Variants in TRPM3 observed in about 807,000 individuals in gnomAD.
TRPM3 encodes transient receptor potential cation channel subfamily M member 3, also known as long transient receptor potential channel 3.
In TRPM3, 77 loss-of-function variants were observed where a neutral mutation model predicts 181.2. The ratio of observed to expected loss-of-function variants is 0.42; its 90% CI spans 0.35 to 0.51. The LOEUF is 0.51. TRPM3 is among the 20% of genes least tolerant of loss of function. The probability of loss-of-function intolerance (pLI) is 0.01; values close to 1 mark genes in which losing one functional copy is unlikely to be tolerated. For missense variants in TRPM3, 1,759 were observed against 2,196.7 expected, an observed-to-expected ratio of 0.80 and a Z score of 3.98; for synonymous variants, 745 against 796.4, an observed-to-expected ratio of 0.94 and a Z score of 1.09.
At position 71,013,992 on chromosome 9, in the gene TRPM3, C is replaced by T. The variant is rs141216598; in HGVS notation, c.177+107186G>A. Among the ~76,000 whole-genome samples the T allele has an allele frequency of 5.0e-3, 754 of 151,802 alleles. 8 individuals are homozygous for T. Among genetic ancestry groups the T allele is most frequent in the African/African-American group, 0.017 (701 of 41,502 alleles). On this transcript the variant is annotated intron_variant, in intron 1 of 25. Coordinates refer to ENST00000677713, the MANE Select transcript of TRPM3 (RefSeq NM_001366145.2). ...TTTTGATTTATTCCCAACTTCCTTA[C>T]GGAGTGTTTTTGGATTGGAAATTTT... is the stretch of plus-strand genomic sequence containing the variant.
chr9:70,640,510 C>T lies in TRPM3; in HGVS notation c.1446+50G>A, dbSNP rs201153287. 8.9e-4 allele frequency: 1,335 copies of T among 1,497,446 alleles called. 2 individuals carry two copies. Among genetic ancestry groups the T allele is most frequent in the Non-Finnish European group, 1.1e-3 (1,205 of 1,082,136 alleles). The allele number at this position is 1,497,446 out of a possible 1,614,324, so 92.8% of individuals were successfully genotyped here. The stretch of plus-strand genomic sequence containing the variant: ...ACCTCAGAGGCTCCTTAAACAAATA[C>T]CCTTGGCCAACCAAAGTGGGCTTTT... On this transcript the variant is annotated intron_variant, in intron 10 of 25. Transcript: ENST00000677713.
At chr9:70,919,168 T>G (rs1030288405) in intron 1 of TRPM3, among the ~76,000 whole-genome samples, 3 of 152,194 alleles carry the variant, frequency 2.0e-5, no homozygotes, top group Non-Finnish European at 2.9e-5. Context: ...GTAAAAAATC[T>G]TCTATTAGAT....
intron 1 of TRPM3, among the ~76,000 whole-genome samples, chr9:71,233,145 A>T (rs113089736): frequency 6.6e-6 from 1 of 152,204 alleles, no homozygotes; most frequent in East Asian, 1.9e-4. Flanking sequence ...TTGTCCTAAG[A>T]TCACATGAGA....
In TRPM3 at chr9:71,435,301, C is replaced by T. The variant is rs867132705; in HGVS notation, c.183+11352G>A. ...AAGATATCATGTTATATGCCAAATT[C>T]TAGTTTCATTTCTCCCCTCTGTAGC... On this transcript the variant is annotated intron_variant, in intron 1 of 24. Coordinates refer to the TRPM3 transcript ENST00000357533. 5.9e-5 allele frequency among the ~76,000 whole-genome samples: 9 copies of T among 152,280 alleles called. No individual in the cohort carries two copies. In the Middle Eastern group the frequency reaches 0.01, roughly 173 times the overall value.
At chr9:70,654,351 A>G (rs560442253) in intron 9 of TRPM3, among the ~76,000 whole-genome samples, 1 of 152,236 alleles carries the variant, frequency 6.6e-6, no homozygotes, top group Non-Finnish European at 1.5e-5. Flanking sequence ...TTGACCTCCC[A>G]TAATGTGCAG....
chr9:70,792,947 G>A (rs779217510), intron 6 of TRPM3, among the ~76,000 whole-genome samples: 37 of 152,144 alleles, frequency 2.4e-4, no homozygotes, highest in Middle Eastern at 6.8e-3. Context: ...ATATATATAT[G>A]TTTTAAAATA....
intron 1 of TRPM3, among the ~76,000 whole-genome samples, chr9:71,065,109 T>C (rs1216672349): frequency 6.6e-6 from 1 of 152,178 alleles, no homozygotes; most frequent in African/African-American, 2.4e-5. Flanking sequence ...AGAGCTTCCA[T>C]AATATTTTAT....
chr9:70,780,174 A>G (rs1332772849), intron 7 of TRPM3, among the ~76,000 whole-genome samples: 1 of 152,180 alleles, frequency 6.6e-6, no homozygotes, highest in Non-Finnish European at 1.5e-5. Context: ...TTAAAATGTA[A>G]GGCTTTTTTT....
intron 8 of TRPM3, among the ~76,000 whole-genome samples, chr9:70,740,721 A>T (rs1474838595): frequency 2.6e-5 from 4 of 152,202 alleles, no homozygotes; most frequent in Non-Finnish European, 4.4e-5. Flanking sequence ...GGGAAAGGAC[A>T]TTCTATTCAA....
Position 70,920,284 on chromosome 9 carries a change from C to G in TRPM3, c.178-55773G>C, listed in dbSNP as rs539198401. ...ACTGTGCCCTGTTTGTATTTGCACT[C>G]CTCACAATGTCTGTGTGCCTTGCTT... is the stretch of plus-strand genomic sequence containing the variant. On this transcript the variant is annotated intron_variant, in intron 1 of 25. Transcript: ENST00000677713. Among the ~76,000 whole-genome samples the G allele has an allele frequency of 3.9e-5, 6 of 152,308 alleles. No individual in the cohort carries two copies. In the South Asian group the frequency reaches 1.2e-3, roughly 32 times the overall value.
At chr9:70,631,736 G>A (rs2065892773) in intron 12 of TRPM3, among the ~76,000 whole-genome samples, 1 of 152,164 alleles carries the variant, frequency 6.6e-6, no homozygotes, top group Admixed American at 6.5e-5. Context: ...TAATGCTGAA[G>A]TGCCACTCTT....
chr9:71,412,627 G>C (rs1365344569), intron 1 of TRPM3, among the ~76,000 whole-genome samples: 1 of 152,108 alleles, frequency 6.6e-6, no homozygotes, highest in Non-Finnish European at 1.5e-5. Context: ...TGGAGAAATA[G>C]GAACACTTTT....
intron 1 of TRPM3, among the ~76,000 whole-genome samples, chr9:71,225,610 C>A (rs762408255): frequency 1.3e-5 from 2 of 152,144 alleles, no homozygotes; most frequent in Non-Finnish European, 2.9e-5. Flanking sequence ...GGTGTATAAA[C>A]TACTCATATC....
intron 1 of TRPM3, among the ~76,000 whole-genome samples, chr9:71,001,143 G>C (rs1356821183): frequency 6.6e-6 from 1 of 152,158 alleles, no homozygotes; most frequent in Non-Finnish European, 1.5e-5. Flanking sequence ...GATTTTTAAT[G>C]CTCTTTGAAC....
At chr9:71,078,740 G>C (rs755213919) in intron 1 of TRPM3, among the ~76,000 whole-genome samples, 1 of 152,118 alleles carries the variant, frequency 6.6e-6, no homozygotes, top group Non-Finnish European at 1.5e-5. Flanking sequence ...TGCTGGCAAG[G>C]CCTAATGAGT....
At chr9:70,539,997 G>A (rs771406664) in intron 25 of TRPM3, among the ~76,000 whole-genome samples, 5 of 152,154 alleles carry the variant, frequency 3.3e-5, no homozygotes, top group Admixed American at 2.6e-4. Flanking sequence ...ACCATGCCCA[G>A]CTAATTTTTT....
chr9:70,827,956 C>A lies in TRPM3; in HGVS notation c.864G>T (p.Met288Ile). ...TGTCAGCCAGAATGAAGTGGGAATG[C>A]ATGCTGTTGAGAACAGTGAGCTTGC... is the stretch of plus-strand genomic sequence containing the variant. ...PMSKLTVLNS[M>I]HSHFILADNG... The change falls in exon 6 of 26, where the codon ATG becomes ATT. Residue 288 changes from methionine to isoleucine, a missense_variant. Transcript: ENST00000677713. 6.2e-7 allele frequency: 1 copy of A among 1,614,110 alleles called. No individual in the cohort carries two copies. The highest frequency in any genetic ancestry group is 8.5e-7 in the Non-Finnish European group (1 of 1,179,994).
intron 1 of TRPM3, among the ~76,000 whole-genome samples, chr9:71,038,035 A>G (rs1276365006): frequency 6.6e-6 from 1 of 152,224 alleles, no homozygotes; most frequent in East Asian, 1.9e-4. Context: ...AGGTCTAAGT[A>G]TTGATTTTAA....
chr9:71,407,680 T>A (rs1228439666), intron 1 of TRPM3, among the ~76,000 whole-genome samples: 1 of 152,170 alleles, frequency 6.6e-6, no homozygotes, highest in Non-Finnish European at 1.5e-5. Context: ...AGCAGAAACT[T>A]CTGCAGACTT....
Sources: allele counts gnomAD v4.1 joint callset (sites outside exome capture counted in the v4.1 genomes callset), GRCh38; gene constraint gnomAD v4.1.1; transcripts MANE v1.5; gene names NCBI Gene and HGNC (gene_info 2026-07-23, HGNC 2026-07-21).